CENPS: variants seen among roughly 807,000 people sequenced by gnomAD.
CENPS encodes centromere protein S, also known as FANCM associated histone fold protein 1.
CENPS carries 16 observed loss-of-function variants against 17.9 expected under a neutral mutation model. That is an observed-to-expected ratio of 0.90 (90% CI 0.61 to 1.36). CENPS has a LOEUF of 1.36. CENPS is among the 40% of genes most tolerant of loss of function. The probability of loss-of-function intolerance (pLI) is 0.00; values close to 1 mark genes in which losing one functional copy is unlikely to be tolerated. For synonymous variants in CENPS, 49 were observed against 55.8 expected (o/e 0.88, Z 0.54); for missense variants, 160 against 158.6 (o/e 1.01, Z -0.05).
At chr1:10,438,578 C>T (rs773387235) in intron 3 of CENPS, among the ~76,000 whole-genome samples, 2 of 152,210 alleles carry the variant, frequency 1.3e-5, no homozygotes, top group African/African-American at 4.8e-5. Flanking sequence ...CTTTAAAGCC[C>T]GTGTTACAAA....
intron 1 of CENPS, 32 bp downstream of exon 1, chr1:10,430,600 G>A: frequency 6.5e-7 from 1 of 1,528,150 alleles, no homozygotes; most frequent in Non-Finnish European, 8.8e-7. Context: ...GCTGGGCTGG[G>A]GCAGGACGGC....
At chr1:10,434,066 G>C in intron 2 of CENPS, 101 bp downstream of exon 2, 1 of 1,558,498 alleles carries the variant, frequency 6.4e-7, no homozygotes, top group African/African-American at 1.4e-5. Flanking sequence ...CTGACCAGCA[G>C]ACCAAGAATA....
chr1:10,432,251 C>G (rs1332303031), intron 1 of CENPS, among the ~76,000 whole-genome samples: 1 of 152,120 alleles, frequency 6.6e-6, no homozygotes, highest in African/African-American at 2.4e-5. Context: ...CCACGCCCAG[C>G]TAATTTTGTA....
chr1:10,430,896 C>G, intron 1 of CENPS: 1 of 1,281,014 alleles, frequency 7.8e-7, no homozygotes, highest in East Asian at 3.7e-5. Flanking sequence ...CGTGAGGGTA[C>G]AACGTCGGCA....
chr1:10,440,524 A>C, intron 4 of CENPS, 111 bp downstream of exon 4: 1 of 1,439,010 alleles, frequency 6.9e-7, no homozygotes, highest in South Asian at 1.4e-5. Context: ...ATTAGAAACT[A>C]GAGGTGGCTG....
At chr1:10,433,044 C>G (rs183969467) in intron 1 of CENPS, among the ~76,000 whole-genome samples, 279 of 152,278 alleles carry the variant, frequency 1.8e-3, no homozygotes, top group Middle Eastern at 0.014. Flanking sequence ...TGAACACTTG[C>G]TGGTAGATTT....
At position 10,442,254 on chromosome 1, in the gene CENPS, T is replaced by C. The variant is rs779333169; in HGVS notation, c.277-11T>C. ...TACAGCCAGATATAAATACAGATTT[T>C]TTTTTTATAGCTAAAATACATCACA... On this transcript the variant is annotated splice_polypyrimidine_tract_variant and intron_variant, in intron 4 of 4. Transcript: ENST00000309048. The C allele has an allele frequency of 7.6e-6, 12 of 1,579,746 alleles. No homozygotes were observed. The highest frequency in any genetic ancestry group is 2.1e-5 in the Admixed American group (1 of 48,662).
intron 4 of CENPS, among the ~76,000 whole-genome samples, 153 bp from the exon 5 acceptor site, chr1:10,442,112 G>A (rs560492273): frequency 2.0e-4 from 31 of 152,180 alleles, no homozygotes; most frequent in African/African-American, 6.5e-4. Flanking sequence ...TTGAAGCTGC[G>A]TTTAATTCTT....
In CENPS at chr1:10,430,472, G is replaced by T; in HGVS notation, c.-46G>T. On this transcript the variant is annotated 5_prime_UTR_variant, in exon 1 of 5. Coordinates refer to ENST00000309048, the MANE Select transcript of CENPS (RefSeq NM_199294.3). ...AAATCCGACCTGGCCGCGCACCACC[G>T]CCCCTTCTCGGCCCTCCTGCGTTTG... 6.5e-7 allele frequency: 1 copy of T among 1,529,340 alleles called. No homozygotes were observed. The highest frequency in any genetic ancestry group is 2.0e-5 in the Admixed American group (1 of 49,278). The allele number at this position is 1,529,340 out of a possible 1,614,324, so 94.7% of individuals were successfully genotyped here.
In CENPS at chr1:10,430,568, G is replaced by A. The variant is rs1273864809; in HGVS notation, c.51G>A (p.Gln17=). The A allele has an allele frequency of 2.0e-6, 3 of 1,533,626 alleles. No individual in the cohort carries two copies. Among genetic ancestry groups the A allele is most frequent in the Non-Finnish European group, 2.6e-6 (3 of 1,140,808 alleles). ...TEEQQRFSYQ[Q]RLKAAVHYTV... ...AGCAGCAGCGATTCTCTTACCAACA[G>A]GTACAGGAAAACGGGGGTCGGGCTG... is the stretch of plus-strand genomic sequence containing the variant. Residue 17 remains glutamine, a splice_region_variant and synonymous_variant, in exon 1 of 5, where the codon CAG becomes CAA. Coordinates refer to ENST00000309048, the MANE Select transcript of CENPS (RefSeq NM_199294.3).
At chr1:10,440,595 C>A (rs544525506) in intron 4 of CENPS, among the ~76,000 whole-genome samples, 182 bp downstream of exon 4, 56 of 152,298 alleles carry the variant, frequency 3.7e-4, no homozygotes, top group Middle Eastern at 3.4e-3. Flanking sequence ...TCTTGCTAAG[C>A]CAATTTGAAA....
intron 1 of CENPS, among the ~76,000 whole-genome samples, chr1:10,431,946 A>C (rs547672396): frequency 6.6e-6 from 1 of 151,342 alleles, no homozygotes; most frequent in African/African-American, 2.4e-5. Flanking sequence ...ATAAAACTCT[A>C]TTGAATGTGC....
chr1:10,437,146 TTTC>T (rs1640201289), intron 3 of CENPS, among the ~76,000 whole-genome samples: 1 of 152,054 alleles, frequency 6.6e-6, no homozygotes, highest in Non-Finnish European at 1.5e-5. Flanking sequence ...ACAAATTTAT[TTTC>T]TTGTTTCTTG....
intron 3 of CENPS, among the ~76,000 whole-genome samples, chr1:10,437,909 A>C (rs770960070): frequency 2.0e-5 from 3 of 149,834 alleles, no homozygotes; most frequent in Non-Finnish European, 4.4e-5. Flanking sequence ...ACTACAGGCA[A>C]ATGCCACCAC....
At chr1:10,440,775 C>T (rs746863061) in intron 4 of CENPS, among the ~76,000 whole-genome samples, 4 of 152,326 alleles carry the variant, frequency 2.6e-5, no homozygotes, top group Admixed American at 6.5e-5. Context: ...CAGGTATGGA[C>T]GGAGTTTCCG....
In CENPS at chr1:10,442,374, C is replaced by A; in HGVS notation, c.386C>A (p.Ala129Glu). Residue 129 changes from alanine (A) to glutamate (E), a missense_variant, in exon 5 of 5, where the codon GCA (alanine) becomes GAA (glutamate). By Grantham distance (107) the Ala-to-Glu change is moderately radical. Coordinates refer to ENST00000309048, the MANE Select transcript of CENPS (RefSeq NM_199294.3). ...EDGSKNSRQP[A>E]EAGVVESEN ...GGAAGCAAAAATTCAAGGCAGCCAG[C>A]AGAGGCTGGAGTGGTGGAAAGTGAG... is the stretch of plus-strand genomic sequence containing the variant. 2 of 1,604,772 alleles carry A rather than the reference C, an allele frequency of 1.2e-6. No individual in the cohort carries two copies. Among genetic ancestry groups the A allele is most frequent in the Admixed American group, 1.8e-5 (1 of 56,830 alleles).
At chr1:10,432,535 A>C (rs1639967707) in intron 1 of CENPS, among the ~76,000 whole-genome samples, 1 of 152,124 alleles carries the variant, frequency 6.6e-6, no homozygotes, top group African/African-American at 2.4e-5. Context: ...TGTTCTAGGC[A>C]CTTGGTAGGC....
intron 3 of CENPS, among the ~76,000 whole-genome samples, chr1:10,435,945 G>A (rs1029432596): frequency 3.3e-5 from 5 of 151,374 alleles, no homozygotes; most frequent in Admixed American, 3.3e-4. Flanking sequence ...TTAGGCTTTC[G>A]GATATTCTGT....
At chr1:10,438,899 A>G (rs1273416355) in intron 3 of CENPS, among the ~76,000 whole-genome samples, 3 of 152,222 alleles carry the variant, frequency 2.0e-5, no homozygotes, top group Admixed American at 2.0e-4. Flanking sequence ...TGAGGTTGAG[A>G]CTAGGCCACC....
Sources: allele counts gnomAD v4.1 joint callset (sites outside exome capture counted in the v4.1 genomes callset), GRCh38; gene constraint gnomAD v4.1.1; transcripts MANE v1.5; gene names NCBI Gene and HGNC (gene_info 2026-07-23, HGNC 2026-07-21).